WDR70: variants seen among roughly 807,000 people sequenced by gnomAD.
WDR70 encodes the protein WD repeat domain 70.
In WDR70, 53 loss-of-function variants were observed where a neutral mutation model predicts 88.6. The observed-to-expected ratio is 0.60, with a 90% CI of 0.48 to 0.75. WDR70 has a LOEUF of 0.75. Ranked by LOEUF, WDR70 falls within the 30% of genes least tolerant of loss-of-function variation. WDR70 has a pLI of 0.00. For synonymous variants in WDR70, 280 were observed against 270.0 expected (o/e 1.04, Z -0.36); for missense variants, 610 against 823.2 (o/e 0.74, Z 3.17).
intron 10 of WDR70, among the ~76,000 whole-genome samples, chr5:37,667,226 T>C (rs969097232): frequency 5.9e-5 from 9 of 152,218 alleles, no homozygotes; most frequent in African/African-American, 2.2e-4. Context: ...CCTTGCACTG[T>C]CATCCCTGGG....
intron 17 of WDR70, among the ~76,000 whole-genome samples, chr5:37,743,992 C>T (rs910233486): frequency 1.1e-4 from 16 of 152,142 alleles, no homozygotes; most frequent in African/African-American, 2.9e-4. Context: ...GATTGTCAGA[C>T]GCCCTATACA....
intron 7 of WDR70, among the ~76,000 whole-genome samples, chr5:37,469,266 C>G (rs1164789222): frequency 6.6e-6 from 1 of 152,104 alleles, no homozygotes; most frequent in Non-Finnish European, 1.5e-5. Flanking sequence ...GCAGTAGGAT[C>G]TACCCGAAAA....
At chr5:37,486,763 A>C (rs1458057427) in intron 8 of WDR70, among the ~76,000 whole-genome samples, 2 of 137,806 alleles carry the variant, frequency 1.5e-5, no homozygotes, top group Non-Finnish European at 3.2e-5. Context: ...TGTTGGCCGC[A>C]TGTGTCTTCT....
chr5:37,516,523 G>C lies in WDR70; in HGVS notation c.850G>C (p.Ala284Pro), dbSNP rs1178072686. ...TGTCTTTATTTTTAAGGGTCATACA[G>C]CAATGCTTCATACTGGCTCATGGCA... ...VDMANTKGHT[A>P]MLHTGSWHPK... is the part of the protein sequence containing the mutation. Residue 284 changes from alanine to proline, a missense_variant, in exon 9 of 18, where the codon GCA becomes CCA. By Grantham distance (27) the Ala-to-Pro change is conservative. Around this residue, in one of 4 missense-constraint regions of WDR70, gnomAD observed 83 missense variants for 155.3 expected, o/e 0.53. Coordinates refer to ENST00000265107, the MANE Select transcript of WDR70 (RefSeq NM_018034.4). The C allele has an allele frequency of 1.3e-6, 2 of 1,596,168 alleles. No homozygotes were observed. Among genetic ancestry groups the C allele is most frequent in the African/African-American group, 1.3e-5 (1 of 74,654 alleles).
At chr5:37,470,239 A>G (rs902304866) in intron 7 of WDR70, among the ~76,000 whole-genome samples, 1 of 152,188 alleles carries the variant, frequency 6.6e-6, no homozygotes, top group African/African-American at 2.4e-5. Context: ...TCTAGCCTTC[A>G]AGGATTAAAT....
intron 5 of WDR70, among the ~76,000 whole-genome samples, chr5:37,415,783 C>T (rs1749716855): frequency 6.9e-6 from 1 of 144,784 alleles, no homozygotes. Context: ...AGGGTCTCCT[C>T]ACTTCTCAGA....
At chr5:37,467,291 G>A (rs1739185231) in intron 7 of WDR70, among the ~76,000 whole-genome samples, 1 of 151,686 alleles carries the variant, frequency 6.6e-6, no homozygotes, top group South Asian at 2.1e-4. Context: ...GGCTGGAAGT[G>A]CAAGATCAAA....
At chr5:37,516,454 G>A in intron 8 of WDR70, 60 bp from the exon 9 acceptor site, 2 of 994,866 alleles carry the variant, frequency 2.0e-6, no homozygotes, top group Non-Finnish European at 3.1e-6. Flanking sequence ...TCAGTTTCTA[G>A]TCAGTTTATT....
intron 4 of WDR70, among the ~76,000 whole-genome samples, chr5:37,395,635 T>G (rs896395987): frequency 5.3e-5 from 8 of 152,196 alleles, no homozygotes; most frequent in Admixed American, 5.2e-4. Flanking sequence ...TAATATTAAC[T>G]TCCTTACATG....
intron 10 of WDR70, among the ~76,000 whole-genome samples, chr5:37,667,467 AT>A (rs1745888985): frequency 6.6e-6 from 1 of 152,230 alleles, no homozygotes; most frequent in South Asian, 2.1e-4. Flanking sequence ...GCCATTTAAA[AT>A]TCTTACTGAA....
At chr5:37,588,119 AATAG>A (rs1261547025) in intron 9 of WDR70, among the ~76,000 whole-genome samples, 5 of 152,186 alleles carry the variant, frequency 3.3e-5, no homozygotes, top group Admixed American at 2.6e-4. Flanking sequence ...ATTAAAGATC[AATAG>A]ATAGATACTA....
chr5:37,646,074 G>A (rs916174961), intron 10 of WDR70, among the ~76,000 whole-genome samples: 9 of 151,832 alleles, frequency 5.9e-5, no homozygotes, highest in Non-Finnish European at 1.3e-4. Flanking sequence ...TAGTGAAGGT[G>A]ATTTTCTCTG....
At chr5:37,711,621 T>C (rs920211488) in intron 13 of WDR70, among the ~76,000 whole-genome samples, 2 of 152,188 alleles carry the variant, frequency 1.3e-5, no homozygotes, top group Admixed American at 1.3e-4. Flanking sequence ...TCTTTTTGTT[T>C]GTTAACATTT....
chr5:37,400,629 T>C (rs1306996133), intron 5 of WDR70, among the ~76,000 whole-genome samples: 2 of 152,172 alleles, frequency 1.3e-5, no homozygotes, highest in African/African-American at 4.8e-5. Flanking sequence ...AGAAACCACA[T>C]TTGTCCATAT....
intron 17 of WDR70, among the ~76,000 whole-genome samples, chr5:37,733,418 TAG>T (rs1375983613): frequency 6.6e-6 from 1 of 152,134 alleles, no homozygotes; most frequent in Non-Finnish European, 1.5e-5. Flanking sequence ...CCTACCATAG[TAG>T]AGTTCTAATT....
intron 17 of WDR70, among the ~76,000 whole-genome samples, chr5:37,744,947 A>G (rs1227178583): frequency 2.6e-5 from 4 of 152,148 alleles, no homozygotes; most frequent in Non-Finnish European, 4.4e-5. Context: ...CCACTAAGAT[A>G]TTCCAAGAGA....
At chr5:37,381,240 A>G (rs1237241084) in intron 2 of WDR70, among the ~76,000 whole-genome samples, 1 of 152,210 alleles carries the variant, frequency 6.6e-6, no homozygotes, top group Non-Finnish European at 1.5e-5. Flanking sequence ...GCTGTTCTGC[A>G]TCTTTGCCTT....
chr5:37,641,923 AGTT>A (rs1376213872), intron 10 of WDR70, among the ~76,000 whole-genome samples: 17 of 152,146 alleles, frequency 1.1e-4, no homozygotes, highest in African/African-American at 4.1e-4. Context: ...GGCCAAAGAG[AGTT>A]GATGGGTTTG....
intron 5 of WDR70, among the ~76,000 whole-genome samples, chr5:37,436,214 G>A (rs1750463134): frequency 6.6e-6 from 1 of 152,078 alleles, no homozygotes; most frequent in South Asian, 2.1e-4. Flanking sequence ...GGCCAATATA[G>A]GAGGTAAGCC....
Sources: gnomAD v4.1 joint callset for allele counts (sites outside exome capture counted in the v4.1 genomes callset) on GRCh38, gnomAD v4.1.1 for gene constraint, gnomAD v4.1.1 regional missense constraint, MANE v1.5 for transcripts, NCBI Gene and HGNC (gene_info 2026-07-23, HGNC 2026-07-21) for gene names.